Variants in SLC24A2 observed in about 807,000 individuals in gnomAD.
The protein encoded by SLC24A2 is solute carrier family 24 member 2.
Under a neutral mutation model 62.0 loss-of-function variants are expected in SLC24A2, and 36 were observed. That is an observed-to-expected ratio of 0.58 (90% CI 0.44 to 0.77). The LOEUF (loss-of-function observed/expected upper bound fraction) is 0.77. Among genes scored for constraint, SLC24A2 ranks in the 30% least tolerant of loss-of-function variants. The pLI is 0.00. For synonymous variants in SLC24A2, 358 were observed against 294.0 expected (o/e 1.22, Z -2.23); for missense variants, 846 against 817.9 (o/e 1.03, Z -0.42).
chr9:19,521,178 C>T (rs1458221825), intron 9 of SLC24A2, 118 bp from the exon 10 acceptor site: 3 of 913,226 alleles, frequency 3.3e-6, no homozygotes, highest in Non-Finnish European at 5.3e-6. Flanking sequence ...ATGCAAAGTG[C>T]TGAGATGATA....
the SLC24A2 span, among the ~76,000 whole-genome samples, chr9:20,097,720 A>ATTT: frequency 7.5e-4 from 52 of 69,108 alleles, 3 homozygotes; most frequent in African/African-American, 2.1e-3. Context: ...ATCTTAAATA[A>ATTT]TTTTTTTTTT....
chr9:20,037,252 T>C, the SLC24A2 span, among the ~76,000 whole-genome samples: 2 of 152,120 alleles, frequency 1.3e-5, no homozygotes, highest in Admixed American at 6.5e-5. Context: ...GTAAAGACTA[T>C]GTAAATATTG....
the SLC24A2 span, among the ~76,000 whole-genome samples, chr9:20,199,875 T>C: frequency 1.5e-4 from 23 of 149,986 alleles, no homozygotes; most frequent in African/African-American, 5.2e-4. Flanking sequence ...CCCACCATTA[T>C]GCCTGGCTAA....
chr9:20,294,576 A>G, the SLC24A2 span, among the ~76,000 whole-genome samples: 1 of 152,200 alleles, frequency 6.6e-6, no homozygotes, highest in Non-Finnish European at 1.5e-5. Context: ...CATGTTGAAA[A>G]TGACAACTCT....
the SLC24A2 span, among the ~76,000 whole-genome samples, chr9:20,186,048 G>C: frequency 6.6e-6 from 1 of 152,108 alleles, no homozygotes. Context: ...AGGAGCCTTG[G>C]AGTTCTGTCT....
intron 2 of SLC24A2, among the ~76,000 whole-genome samples, chr9:19,714,887 T>A (rs977568034): frequency 6.6e-6 from 1 of 152,138 alleles, no homozygotes; most frequent in South Asian, 2.1e-4. Context: ...TCTGCTACTT[T>A]GTAGAGTAGA....
chr9:20,210,146 G>A, the SLC24A2 span, among the ~76,000 whole-genome samples: 2 of 152,118 alleles, frequency 1.3e-5, no homozygotes, highest in Admixed American at 6.5e-5. Context: ...CCACTGTGGT[G>A]GGCTTTAAAA....
chr9:19,897,268 T>C, the SLC24A2 span, among the ~76,000 whole-genome samples: 2 of 152,194 alleles, frequency 1.3e-5, no homozygotes, highest in Non-Finnish European at 2.9e-5. Context: ...TGACCCCATA[T>C]TGTTATCAGT....
At chr9:20,233,313 G>A in the SLC24A2 span, among the ~76,000 whole-genome samples, 4 of 151,652 alleles carry the variant, frequency 2.6e-5, no homozygotes, top group African/African-American at 9.7e-5. Context: ...TCTGTCTAAT[G>A]TTGACAGTGG....
chr9:19,953,618 A>C, the SLC24A2 span, among the ~76,000 whole-genome samples: 1 of 152,086 alleles, frequency 6.6e-6, no homozygotes, highest in Non-Finnish European at 1.5e-5. Flanking sequence ...CCATTTATTA[A>C]GTAGATAGGT....
intron 4 of SLC24A2, among the ~76,000 whole-genome samples, chr9:19,606,344 G>C (rs957357861): frequency 6.6e-6 from 1 of 152,146 alleles, no homozygotes; most frequent in African/African-American, 2.4e-5. Context: ...ATGGTCTCAG[G>C]GCCTTAGAGT....
intron 2 of SLC24A2, among the ~76,000 whole-genome samples, chr9:19,713,322 C>T (rs1346748519): frequency 6.6e-6 from 1 of 152,060 alleles, no homozygotes; most frequent in Non-Finnish European, 1.5e-5. Context: ...AGCAGAAAAG[C>T]TGTAAGTCAA....
the SLC24A2 span, among the ~76,000 whole-genome samples, chr9:20,217,810 T>C: frequency 6.6e-6 from 1 of 152,270 alleles, no homozygotes; most frequent in Non-Finnish European, 1.5e-5. Flanking sequence ...TTGAGTCACA[T>C]CTGGCTATCT....
chr9:20,175,231 G>A, the SLC24A2 span, among the ~76,000 whole-genome samples: 1 of 151,782 alleles, frequency 6.6e-6, no homozygotes. Context: ...TGGGGACTCA[G>A]GGGGAAAGGT....
chr9:20,288,551 T>A, the SLC24A2 span, among the ~76,000 whole-genome samples: 3 of 151,962 alleles, frequency 2.0e-5, no homozygotes, highest in Non-Finnish European at 4.4e-5. Flanking sequence ...GGTGGATCAT[T>A]TGAGGCCAGG....
the SLC24A2 span, among the ~76,000 whole-genome samples, chr9:20,115,594 C>A: frequency 6.6e-6 from 1 of 152,086 alleles, no homozygotes; most frequent in Admixed American, 6.6e-5. Flanking sequence ...CCAATGAACA[C>A]GTCAAACTTG....
At chr9:19,569,800 T>G (rs1328415741) in intron 7 of SLC24A2, among the ~76,000 whole-genome samples, 1 of 152,154 alleles carries the variant, frequency 6.6e-6, no homozygotes. Context: ...GCTACCATGC[T>G]TCCTCCTTCC....
At chr9:20,244,237 T>C in the SLC24A2 span, among the ~76,000 whole-genome samples, 5 of 152,148 alleles carry the variant, frequency 3.3e-5, no homozygotes, top group African/African-American at 1.2e-4. Context: ...CGTGTGCCTT[T>C]AAACAGCTAT....
the SLC24A2 span, among the ~76,000 whole-genome samples, chr9:19,989,507 T>C: frequency 1.3e-5 from 2 of 152,208 alleles, no homozygotes; most frequent in Non-Finnish European, 2.9e-5. Flanking sequence ...GATAAGAGTT[T>C]GTTAAAGTGG....
Sources: allele counts gnomAD v4.1 joint callset (sites outside exome capture counted in the v4.1 genomes callset), GRCh38; gene constraint gnomAD v4.1.1; transcripts MANE v1.5; gene names NCBI Gene and HGNC (gene_info 2026-07-23, HGNC 2026-07-21).